Variants in DCST2 observed in about 807,000 individuals in gnomAD.
DCST2 encodes the protein DC-STAMP domain-containing protein 2.
A neutral mutation model predicts 81.8 loss-of-function variants in DCST2; 64 were observed. That is an observed-to-expected ratio of 0.78 (90% CI 0.64 to 0.96). The LOEUF is 0.96. Among genes scored for constraint, DCST2 ranks in the 40% least tolerant of loss-of-function variants. DCST2 has a pLI of 0.00. For missense variants in DCST2, 945 were observed against 1,001.4 expected (o/e 0.94, Z 0.76); for synonymous variants, 354 against 402.6 (o/e 0.88, Z 1.44).
chr1:155,020,099 C>T (rs1309187273), intron 14 of DCST2, among the ~76,000 whole-genome samples: 3 of 152,168 alleles, frequency 2.0e-5, no homozygotes, highest in Non-Finnish European at 4.4e-5. Flanking sequence ...GGCAGGCCAC[C>T]TGGTCCACCT....
chr1:155,025,015 C>T (rs6667285), intron 10 of DCST2, among the ~76,000 whole-genome samples: 6,850 of 151,880 alleles, frequency 0.045, 218 homozygotes, highest in Non-Finnish European at 0.066. Context: ...GGGGTGGTGG[C>T]GCATGCCTGA....
At chr1:155,022,079 C>A (rs1201533726) in intron 14 of DCST2, among the ~76,000 whole-genome samples, 1 of 152,114 alleles carries the variant, frequency 6.6e-6, no homozygotes, top group Non-Finnish European at 1.5e-5. Context: ...GTTGGCCAGG[C>A]TGGTCTCGAA....
At chr1:155,031,549 C>G in intron 4 of DCST2, 25 bp downstream of exon 4, 3 of 1,612,992 alleles carry the variant, frequency 1.9e-6, no homozygotes, top group Non-Finnish European at 2.5e-6. Context: ...GGCTCCTCCC[C>G]GCTGGCAGAC....
rs1352576381 is a variant in DCST2 at position 155,024,471 on chromosome 1, C to T, written c.1742+1G>A. 3 of 1,600,482 alleles carry T rather than the reference C, an allele frequency of 1.9e-6. No individual in the cohort carries two copies. The highest frequency in any genetic ancestry group is 1.3e-5 in the African/African-American group (1 of 74,524). On this transcript the variant is annotated splice_donor_variant, in intron 11 of 14. Coordinates refer to ENST00000368424, the MANE Select transcript of DCST2 (RefSeq NM_144622.3). LOFTEE classifies it high-confidence loss of function. Reference sequence around the variant, plus strand: ...CCCTATAGAAAAGACAGTGGCCTCACCGACTGGCCAGCACTAGGAAGGCAC... The same window carrying T: ...CCCTATAGAAAAGACAGTGGCCTCATCGACTGGCCAGCACTAGGAAGGCAC...
chr1:155,021,490 C>T (rs1477801183), intron 14 of DCST2, among the ~76,000 whole-genome samples: 4 of 151,864 alleles, frequency 2.6e-5, no homozygotes, highest in Non-Finnish European at 5.9e-5. Flanking sequence ...CTCTCCCCTC[C>T]CTGTCCCCTC....
rs766398746 is a variant in DCST2 at position 155,026,375 on chromosome 1, A to G, written c.1538T>C (p.Ile513Thr). 6.2e-7 allele frequency: 1 copy of G among 1,613,824 alleles called. No individual in the cohort carries two copies. The highest frequency in any genetic ancestry group is 2.2e-5 in the East Asian group (1 of 44,882). ...IGVMYGLCFF[I>T]TLFGSYVSRL... ...GCTGACATAGCTGCCAAACAGGGTGATGAAGAAGCATAGGCCATACATGAC... is the reference window on the plus strand; with the variant it reads ...GCTGACATAGCTGCCAAACAGGGTGGTGAAGAAGCATAGGCCATACATGAC... Residue 513 changes from isoleucine (I) to threonine (T), a missense_variant, in exon 10 of 15, where the codon ATC (isoleucine) becomes ACC (threonine). Transcript: ENST00000368424.
At chr1:155,031,031 G>A (rs1571551548) in intron 5 of DCST2, 138 bp downstream of exon 5, 3 of 911,710 alleles carry the variant, frequency 3.3e-6, no homozygotes, top group South Asian at 1.8e-5. Flanking sequence ...TATGGGCCTG[G>A]GTGATCACTT....
At chr1:155,027,755 G>T (rs530086836) in intron 8 of DCST2, among the ~76,000 whole-genome samples, 3 of 149,630 alleles carry the variant, frequency 2.0e-5, no homozygotes, top group African/African-American at 7.4e-5. Flanking sequence ...TAGAGACAAG[G>T]TTTCACCATG....
chr1:155,025,594 T>C (rs1433585578), intron 10 of DCST2, among the ~76,000 whole-genome samples: 2 of 152,162 alleles, frequency 1.3e-5, no homozygotes, highest in Non-Finnish European at 2.9e-5. Flanking sequence ...CCTAAAGTGC[T>C]GGGATTACAG....
intron 10 of DCST2, among the ~76,000 whole-genome samples, chr1:155,025,016 G>A (rs1275619661): frequency 2.6e-5 from 4 of 151,888 alleles, no homozygotes; most frequent in Non-Finnish European, 5.9e-5. Context: ...GGGTGGTGGC[G>A]CATGCCTGAA....
Position 155,030,105 on chromosome 1 carries a change from C to A in DCST2, c.1156G>T (p.Ala386Ser). ...PTVLPLSAHE[A>S]RRYIPPGSIF... Reference sequence around the variant, plus strand: ...TCACCCGGTGGGATGTAGCGCCTGGCCTCGTGAGCACTGAGCGGTAGCACT... The same window carrying A: ...TCACCCGGTGGGATGTAGCGCCTGGACTCGTGAGCACTGAGCGGTAGCACT... Residue 386 changes from alanine (A) to serine (S), a missense_variant, in exon 7 of 15, where the codon GCC (alanine) becomes TCC (serine). Transcript: ENST00000368424. 1 of 1,613,832 alleles carries A rather than the reference C, an allele frequency of 6.2e-7. No homozygotes were observed. Among genetic ancestry groups the A allele is most frequent in the African/African-American group, 1.3e-5 (1 of 75,056 alleles).
chr1:155,033,052 A>AG, intron 2 of DCST2, 42 bp downstream of exon 2: 7 of 1,495,304 alleles, frequency 4.7e-6, no homozygotes, highest in Non-Finnish European at 3.6e-6. Context: ...GAGGGGGGCG[A>AG]GGGGGGCCCG....
intron 3 of DCST2, among the ~76,000 whole-genome samples, chr1:155,032,041 T>C (rs1660105750): frequency 6.6e-6 from 1 of 152,200 alleles, no homozygotes; most frequent in Non-Finnish European, 1.5e-5. Flanking sequence ...TTGCCCAGGC[T>C]AGAGTGCAGT....
chr1:155,018,573 G>A lies in DCST2; in HGVS notation c.2293C>T (p.Pro765Ser), dbSNP rs1313022208. Residue 765 changes from proline to serine, a missense_variant, in exon 15 of 15, where the codon CCT (proline) becomes TCT (serine). Pro to Ser is a moderately conservative substitution (Grantham distance 74, BLOSUM62 -1). Coordinates refer to ENST00000368424, the MANE Select transcript of DCST2 (RefSeq NM_144622.3). The part of the protein sequence containing the change: ...PSVPLSPPSL[P>S]DPSHPPPK ...TTGGGGGGTGGGTGGGAAGGATCAG[G>A]AAGAGAGGGAGGTGAGAGAGGGACT... 1 of 1,613,754 alleles carries A rather than the reference G, an allele frequency of 6.2e-7. No individual in the cohort carries two copies. Among genetic ancestry groups the A allele is most frequent in the Non-Finnish European group, 8.5e-7 (1 of 1,179,832 alleles).
chr1:155,024,223 A>G (rs1463380206), intron 11 of DCST2, among the ~76,000 whole-genome samples: 2 of 152,228 alleles, frequency 1.3e-5, no homozygotes, highest in Admixed American at 6.5e-5. Flanking sequence ...TGGGTGCAGC[A>G]CACCAGCATG....
rs1266381534 is a variant in DCST2 at position 155,029,320 on chromosome 1, CGAG to C, written c.1252_1254del (p.Leu418del). On this transcript the variant is annotated inframe_deletion, in exon 8 of 15. Coordinates refer to ENST00000368424, the MANE Select transcript of DCST2 (RefSeq NM_144622.3). ...TAGTCTAGGAAGACTAGGAACAGCA[CGAG>C]GAGGAGGTGTCGGATAAGGTTGAAG... 6.2e-7 allele frequency: 1 copy of C among 1,613,834 alleles called. No homozygotes were observed.
At position 155,018,691 on chromosome 1, in the gene DCST2, C is replaced by A. The variant is rs772282695; in HGVS notation, c.2175G>T (p.Gln725His). The A allele has an allele frequency of 6.2e-7, 1 of 1,613,952 alleles. No homozygotes were observed. Among genetic ancestry groups the A allele is most frequent in the South Asian group, 1.1e-5 (1 of 91,074 alleles). The change falls in exon 15 of 15, where the codon CAG (glutamine) becomes CAT (histidine). Residue 725 changes from glutamine (Q) to histidine (H), a missense_variant. Coordinates refer to ENST00000368424, the MANE Select transcript of DCST2 (RefSeq NM_144622.3). ...CAGGGCTGGTGAGAATGCTGACAGG[C>A]TGATGGGCTTCAGGTAAGGGCTGCT... ...HGQQPLPEAH[Q>H]PVSILTSPEP...
chr1:155,023,845 G>A lies in DCST2; in HGVS notation c.1857C>T (p.Thr619=), dbSNP rs769872929. 5.0e-6 allele frequency: 8 copies of A among 1,613,556 alleles called. No individual in the cohort carries two copies. Among genetic ancestry groups the A allele is most frequent in the Non-Finnish European group, 6.8e-6 (8 of 1,179,948 alleles). Residue 619 remains threonine, a synonymous_variant, in exon 12 of 15, where the codon ACC becomes ACT. Coordinates refer to ENST00000368424, the MANE Select transcript of DCST2 (RefSeq NM_144622.3). ...GDMENTVSCS[T]PGCQGLYCLT... is the part of the protein sequence containing the mutation. ...AGGGGGTCTCACCTTGGCAGCCGGGGGTACTGCAGGACACAGTGTTCTCCA... is the reference window on the plus strand; with the variant it reads ...AGGGGGTCTCACCTTGGCAGCCGGGAGTACTGCAGGACACAGTGTTCTCCA...
intron 4 of DCST2, 97 bp downstream of exon 4, chr1:155,031,477 C>T (rs977465934): frequency 1.1e-5 from 12 of 1,136,362 alleles, no homozygotes; most frequent in African/African-American, 1.6e-5. Flanking sequence ...GCCCTCTAAT[C>T]GTCCTCCTGA....
Sources: gnomAD v4.1 joint callset for allele counts (sites outside exome capture counted in the v4.1 genomes callset) on GRCh38, gnomAD v4.1.1 for gene constraint, MANE v1.5 for transcripts, NCBI Gene and HGNC (gene_info 2026-07-23, HGNC 2026-07-21) for gene names.